The following ADCY2 variants were observed in gnomAD, a reference collection of about 807,000 sequenced individuals.
The protein encoded by ADCY2 is adenylate cyclase 2, also known as adenylate cyclase type 2.
A neutral mutation model predicts 125.2 loss-of-function variants in ADCY2; 31 were observed. The ratio of observed to expected loss-of-function variants is 0.25; its 90% confidence interval spans 0.19 to 0.33. The LOEUF (loss-of-function observed/expected upper bound fraction) is 0.33. Ranked by LOEUF, ADCY2 falls within the 10% of genes least tolerant of loss-of-function variation. ADCY2 has a pLI of 1.00. For missense variants in ADCY2, 904 were observed against 1,418.2 expected (o/e 0.64, Z 5.82); for synonymous variants, 512 against 548.4 (o/e 0.93, Z 0.93).
At chr5:7,731,061 TGTTTCCTGCCA>T (rs1340934571) in intron 14 of ADCY2, among the ~76,000 whole-genome samples, 3 of 151,772 alleles carry the variant, frequency 2.0e-5, no homozygotes, top group African/African-American at 4.8e-5. Context: ...GGTGTTTTCA[TGTTTCCTGCCA>T]GTTTCCACTT....
intron 3 of ADCY2, among the ~76,000 whole-genome samples, chr5:7,563,523 G>T (rs2126591131): frequency 6.6e-6 from 1 of 152,200 alleles, no homozygotes; most frequent in East Asian, 1.9e-4. Flanking sequence ...TGCATGTATT[G>T]CAGTCTTCCT....
At chr5:7,661,512 A>C (rs1739531239) in intron 4 of ADCY2, among the ~76,000 whole-genome samples, 1 of 152,242 alleles carries the variant, frequency 6.6e-6, no homozygotes, top group Non-Finnish European at 1.5e-5. Context: ...TATGTTTAGG[A>C]AAATTTTAGT....
At chr5:7,801,150 C>G (rs1744582164) in intron 20 of ADCY2, 1 of 152,174 alleles carries the variant, frequency 6.6e-6, no homozygotes, top group South Asian at 2.1e-4. Context: ...GGGGAAAGAA[C>G]AGTTCCTCTG....
At chr5:7,596,890 A>G (rs1417398169) in intron 3 of ADCY2, among the ~76,000 whole-genome samples, 3 of 152,208 alleles carry the variant, frequency 2.0e-5, no homozygotes, top group East Asian at 3.8e-4. Flanking sequence ...TTTAGTCCTC[A>G]TTTCACTTCA....
intron 2 of ADCY2, among the ~76,000 whole-genome samples, chr5:7,492,476 A>T (rs1579499449): frequency 1.3e-5 from 2 of 152,342 alleles, no homozygotes; most frequent in South Asian, 4.1e-4. Context: ...AATGACTGTA[A>T]TAAGCCATCA....
chr5:7,447,327 C>T (rs370904544), intron 2 of ADCY2, among the ~76,000 whole-genome samples: 59 of 152,340 alleles, frequency 3.9e-4, no homozygotes, highest in Non-Finnish European at 6.6e-4. Context: ...TGCCTGGCCA[C>T]GGCTATTCCT....
intron 22 of ADCY2, among the ~76,000 whole-genome samples, chr5:7,809,556 T>C (rs1744867276): frequency 1.3e-5 from 2 of 152,236 alleles, no homozygotes; most frequent in African/African-American, 2.4e-5. Flanking sequence ...ACAAAAGATA[T>C]TCAGTTACAA....
chr5:7,824,255 C>T (rs775469284), intron 24 of ADCY2, among the ~76,000 whole-genome samples: 14 of 152,150 alleles, frequency 9.2e-5, no homozygotes, highest in Non-Finnish European at 2.1e-4. Flanking sequence ...AACAGCATAG[C>T]AAGCCCACTC....
chr5:7,552,710 AT>A (rs1356603703), intron 3 of ADCY2, among the ~76,000 whole-genome samples: 1 of 152,154 alleles, frequency 6.6e-6, no homozygotes, highest in East Asian at 1.9e-4. Flanking sequence ...ATATTTTGTT[AT>A]TTTGAATTAT....
chr5:7,429,500 A>G (rs1182174041), intron 2 of ADCY2, among the ~76,000 whole-genome samples: 1 of 152,254 alleles, frequency 6.6e-6, no homozygotes, highest in Non-Finnish European at 1.5e-5. Flanking sequence ...TTACTAAGAT[A>G]GACCATATTC....
chr5:7,396,617 T>G lies in ADCY2; in HGVS notation c.210+111T>G. The G allele has an allele frequency of 1.3e-6, 1 of 773,376 alleles. No homozygotes were observed. The highest frequency in any genetic ancestry group is 1.7e-6 in the Non-Finnish European group (1 of 573,360). The allele number at this position is 773,376 out of a possible 1,614,324, so 47.9% of individuals were successfully genotyped here. A position where few individuals can be genotyped will look rare whatever the true frequency, so the allele number is the denominator to read the frequency against. ...CTGCCCCTCGGCCCGCGGCAGCCCCTCGGCCCGCGGCAGCCCCTCGGCCCG... is the reference window on the plus strand; with the variant it reads ...CTGCCCCTCGGCCCGCGGCAGCCCCGCGGCCCGCGGCAGCCCCTCGGCCCG... On this transcript the variant is annotated intron_variant, in intron 1 of 24. Transcript: ENST00000338316. This position sits in a 1 kb window ranked among gnomAD's most constrained non-coding sequence, Gnocchi z 5.7.
At chr5:7,421,154 T>G (rs1340697455) in intron 2 of ADCY2, among the ~76,000 whole-genome samples, 1 of 152,182 alleles carries the variant, frequency 6.6e-6, no homozygotes, top group Non-Finnish European at 1.5e-5. Context: ...GTCACTGATT[T>G]CAAAAAGAGC....
intron 3 of ADCY2, among the ~76,000 whole-genome samples, chr5:7,575,742 G>A (rs1436944122): frequency 6.6e-6 from 1 of 151,952 alleles, no homozygotes; most frequent in East Asian, 1.9e-4. Context: ...AATTTAAACT[G>A]TATTTTTATA....
Position 7,816,876 on chromosome 5 carries a change from G to A in ADCY2, c.2894G>A (p.Arg965Gln), listed in dbSNP as rs1745129732. Reference sequence around the variant, plus strand: ...TGTGTTTGTTCTCAGGAGCCCGAGCGGCAGTACATGCACATTGGCACCATG... The same window carrying A: ...TGTGTTTGTTCTCAGGAGCCCGAGCAGCAGTACATGCACATTGGCACCATG... ...PSQEHSQEPE[R>Q]QYMHIGTMVE... Residue 965 changes from arginine (R) to glutamine (Q), a missense_variant, in exon 23 of 25, where the codon CGG becomes CAG. By Grantham distance (43) the Arg-to-Gln change is conservative. Around this residue, in one of 7 missense-constraint regions of ADCY2, gnomAD observed 181 missense variants for 381.6 expected, o/e 0.47. Coordinates refer to ENST00000338316, the MANE Select transcript of ADCY2 (RefSeq NM_020546.3). 3 of 1,614,052 alleles carry A rather than the reference G, an allele frequency of 1.9e-6. No individual in the cohort carries two copies. The highest frequency in any genetic ancestry group is 2.5e-6 in the Non-Finnish European group (3 of 1,179,932).
intron 3 of ADCY2, among the ~76,000 whole-genome samples, chr5:7,601,859 A>C (rs1042183614): frequency 2.0e-5 from 3 of 152,200 alleles, no homozygotes; most frequent in African/African-American, 7.2e-5. Flanking sequence ...ACATTACTAC[A>C]AACTTGGTGA....
intron 18 of ADCY2, among the ~76,000 whole-genome samples, chr5:7,775,244 T>A (rs1743684635): frequency 6.6e-6 from 1 of 151,778 alleles, no homozygotes; most frequent in African/African-American, 2.4e-5. Flanking sequence ...TACATATACA[T>A]ACACGTATAT....
At chr5:7,703,445 C>G (rs1250768095) in intron 7 of ADCY2, among the ~76,000 whole-genome samples, 1 of 151,778 alleles carries the variant, frequency 6.6e-6, no homozygotes, top group Non-Finnish European at 1.5e-5. Context: ...CTACATATAG[C>G]TAGCCAGTTT....
rs1221512698 is a variant in ADCY2 at position 7,456,694 on chromosome 5, TG to T, written c.408+41929del. The stretch of plus-strand genomic sequence containing the variant: ...GCTTTAGGATCATAAACTGTTGTAT[TG>T]GGGGTAATTCATGAAGTCTTGATGA... On this transcript the variant is annotated intron_variant, in intron 2 of 24. Transcript: ENST00000338316. Among the ~76,000 whole-genome samples, 4 of 152,222 alleles carry T rather than the reference TG, an allele frequency of 2.6e-5. No homozygotes were observed. In the East Asian group the frequency reaches 7.7e-4, roughly 29 times the overall value.
At chr5:7,702,376 CG>C (rs893125360) in intron 7 of ADCY2, among the ~76,000 whole-genome samples, 1 of 151,812 alleles carries the variant, frequency 6.6e-6, no homozygotes, top group Non-Finnish European at 1.5e-5. Context: ...TATCCCTCCC[CG>C]CTCCTCCCAC....
Sources: allele counts gnomAD v4.1 joint callset (sites outside exome capture counted in the v4.1 genomes callset), GRCh38; gene constraint gnomAD v4.1.1; regional missense constraint gnomAD v4.1.1; non-coding constraint Gnocchi (gnomAD v3.1); transcripts MANE v1.5; gene names NCBI Gene and HGNC (gene_info 2026-07-23, HGNC 2026-07-21).